Variants in SLC24A2 observed in about 807,000 individuals in gnomAD.
SLC24A2 encodes the protein sodium/potassium/calcium exchanger 2.
A neutral mutation model predicts 62.0 loss-of-function variants in SLC24A2; 36 were observed. The ratio of observed to expected loss-of-function variants is 0.58; its 90% CI spans 0.44 to 0.77. SLC24A2 has a LOEUF of 0.77. Ranked by LOEUF, SLC24A2 falls within the 30% of genes least tolerant of loss-of-function variation. The pLI, the probability that SLC24A2 is intolerant of heterozygous loss-of-function variation, is 0.00. For missense variants in SLC24A2, 846 were observed against 817.9 expected (o/e 1.03, Z -0.42); for synonymous variants, 358 against 294.0 (o/e 1.22, Z -2.23).
chr9:20,213,990 C>T, the SLC24A2 span, among the ~76,000 whole-genome samples: 1 of 152,160 alleles, frequency 6.6e-6, no homozygotes, highest in Non-Finnish European at 1.5e-5. Context: ...ACTTATTTCG[C>T]TTGTCATAAT....
intron 2 of SLC24A2, among the ~76,000 whole-genome samples, chr9:19,675,067 T>C (rs1357229482): frequency 1.3e-5 from 2 of 152,128 alleles, no homozygotes; most frequent in African/African-American, 4.8e-5. Flanking sequence ...GGTAGTGCTC[T>C]CTCCCTTCCC....
chr9:19,797,443 A>G, the SLC24A2 span, among the ~76,000 whole-genome samples: 32 of 152,310 alleles, frequency 2.1e-4, no homozygotes, highest in African/African-American at 6.3e-4. Flanking sequence ...GTGTCTGTTA[A>G]TAATTACGAA....
intron 9 of SLC24A2, among the ~76,000 whole-genome samples, chr9:19,526,982 C>G (rs955644130): frequency 6.6e-6 from 1 of 152,128 alleles, no homozygotes; most frequent in African/African-American, 2.4e-5. Flanking sequence ...CAAACTCTTA[C>G]ATTTCAAACT....
chr9:20,219,237 C>T, the SLC24A2 span, among the ~76,000 whole-genome samples: 1 of 152,098 alleles, frequency 6.6e-6, no homozygotes, highest in East Asian at 1.9e-4. Context: ...GTGAGATGAG[C>T]TGAGGGAGGA....
chr9:20,137,557 G>A, the SLC24A2 span, among the ~76,000 whole-genome samples: 3 of 152,310 alleles, frequency 2.0e-5, no homozygotes, highest in East Asian at 1.9e-4. Flanking sequence ...TTGACACTGT[G>A]AACTAGATAT....
At chr9:19,865,279 A>G in the SLC24A2 span, among the ~76,000 whole-genome samples, 1 of 152,150 alleles carries the variant, frequency 6.6e-6, no homozygotes, top group Non-Finnish European at 1.5e-5. Flanking sequence ...TACAGATACA[A>G]TGCAATTTCT....
In SLC24A2 at chr9:19,529,669, C is replaced by T. The variant is rs1212900039; in HGVS notation, c.1480-1531G>A. On this transcript the variant is annotated intron_variant, in intron 8 of 10. Coordinates refer to ENST00000341998, the MANE Select transcript of SLC24A2 (RefSeq NM_020344.4). ...ATATTTTGGACAAGGACTCAGACCC[C>T]TCCTAGGGACCTAAGCGCTTTAATG... Among the ~76,000 whole-genome samples the T allele has an allele frequency of 2.0e-5, 3 of 151,734 alleles. No homozygotes were observed. The East Asian group carries it at 5.8e-4, about 29-fold the overall frequency.
chr9:19,710,986 C>T (rs1213310625), intron 2 of SLC24A2, among the ~76,000 whole-genome samples: 1 of 152,192 alleles, frequency 6.6e-6, no homozygotes, highest in Non-Finnish European at 1.5e-5. Context: ...TTCTTTTCTT[C>T]TCCATAGAGA....
chr9:19,970,373 G>A, the SLC24A2 span, among the ~76,000 whole-genome samples: 1 of 152,142 alleles, frequency 6.6e-6, no homozygotes. Flanking sequence ...TCTCCCTCAA[G>A]AAATGGAAAT....
chr9:20,231,087 G>A, the SLC24A2 span, among the ~76,000 whole-genome samples: 3 of 152,034 alleles, frequency 2.0e-5, no homozygotes, highest in East Asian at 1.9e-4. Flanking sequence ...TGTTCCATTG[G>A]TCTATATCTC....
the SLC24A2 span, among the ~76,000 whole-genome samples, chr9:20,106,246 C>T: frequency 6.6e-6 from 1 of 152,182 alleles, no homozygotes; most frequent in Non-Finnish European, 1.5e-5. Flanking sequence ...CAGATGGATT[C>T]ACAGCCGAAT....
chr9:20,282,161 A>G, the SLC24A2 span, among the ~76,000 whole-genome samples: 2 of 152,210 alleles, frequency 1.3e-5, no homozygotes, highest in Non-Finnish European at 2.9e-5. Context: ...GGGAAAACAA[A>G]TAAGACCAGA....
the SLC24A2 span, among the ~76,000 whole-genome samples, chr9:19,828,073 T>C: frequency 1.3e-5 from 2 of 152,210 alleles, no homozygotes; most frequent in South Asian, 4.1e-4. Flanking sequence ...TATTTTTTAA[T>C]GTACAAATAG....
the SLC24A2 span, among the ~76,000 whole-genome samples, chr9:19,892,302 C>G: frequency 1.3e-5 from 2 of 152,184 alleles, no homozygotes; most frequent in African/African-American, 4.8e-5. Context: ...CAGTTCCTAT[C>G]ACATCCTATT....
At chr9:19,904,161 T>G in the SLC24A2 span, among the ~76,000 whole-genome samples, 1 of 152,104 alleles carries the variant, frequency 6.6e-6, no homozygotes, top group African/African-American at 2.4e-5. Flanking sequence ...CACTTGATCT[T>G]GTTAGATATG....
the SLC24A2 span, among the ~76,000 whole-genome samples, chr9:20,220,328 C>T: frequency 3.9e-5 from 6 of 152,086 alleles, no homozygotes; most frequent in Non-Finnish European, 8.8e-5. Flanking sequence ...AAAGTAATAC[C>T]TTTGTTTCAT....
At chr9:19,795,128 C>T in the SLC24A2 span, among the ~76,000 whole-genome samples, 3 of 152,186 alleles carry the variant, frequency 2.0e-5, no homozygotes, top group East Asian at 1.9e-4. Context: ...TTTCCCAGCT[C>T]GGTTGTGGAG....
chr9:20,135,602 G>A, the SLC24A2 span, among the ~76,000 whole-genome samples: 1 of 152,020 alleles, frequency 6.6e-6, no homozygotes, highest in Non-Finnish European at 1.5e-5. Context: ...CCTGAGTCGT[G>A]GAAGATGCTT....
At chr9:20,147,241 C>G in the SLC24A2 span, among the ~76,000 whole-genome samples, 4 of 152,136 alleles carry the variant, frequency 2.6e-5, no homozygotes, top group African/African-American at 9.7e-5. Context: ...CAGGGCAGCT[C>G]TCTCCTTTGA....
Sources: allele counts gnomAD v4.1 joint callset (sites outside exome capture counted in the v4.1 genomes callset), GRCh38; gene constraint gnomAD v4.1.1; transcripts MANE v1.5; gene names NCBI Gene and HGNC (gene_info 2026-07-23, HGNC 2026-07-21).